TEK: variants seen among roughly 807,000 people sequenced by gnomAD.
TEK encodes the protein TEK receptor tyrosine kinase.
TEK carries 43 observed loss-of-function variants against 131.8 expected under a neutral mutation model. That is an observed-to-expected ratio of 0.33 (90% CI 0.26 to 0.42). TEK has a LOEUF of 0.42. Ranked by LOEUF, TEK falls within the 10% of genes least tolerant of loss-of-function variation. The pLI, the probability that TEK is intolerant of heterozygous loss-of-function variation, is 1.00. For synonymous variants in TEK, 580 were observed against 491.6 expected, an observed-to-expected ratio of 1.18 and a Z score of -2.38; for missense variants, 1,162 against 1,384.4, an observed-to-expected ratio of 0.84 and a Z score of 2.55.
chr9:27,195,678 A>G (rs924544460), intron 11 of TEK: 17 of 455,958 alleles, frequency 3.7e-5, no homozygotes, highest in Non-Finnish European at 7.5e-5. Flanking sequence ...GTCCAGTGAC[A>G]TAAGACATCT....
At chr9:27,166,314 T>A (rs1823728815) in intron 2 of TEK, among the ~76,000 whole-genome samples, 1 of 152,240 alleles carries the variant, frequency 6.6e-6, no homozygotes. Context: ...TAATGAATAT[T>A]CAACAGATCT....
In TEK at chr9:27,131,805, TA is replaced by T. The variant is rs796634179; in HGVS notation, c.52+22174del. On this transcript the variant is annotated intron_variant, in intron 1 of 22. Transcript: ENST00000380036. ...CTGGGTGACAGAGTGAGATTTTGTT[TA>T]AAAAAAAAAAGAAAGAAATTTGATA... 2.5e-3 allele frequency among the ~76,000 whole-genome samples: 364 copies of T among 146,376 alleles called. 1 individual carries two copies. The highest frequency in any genetic ancestry group is 7.4e-3 in the African/African-American group (295 of 40,082).
intron 1 of TEK, among the ~76,000 whole-genome samples, chr9:27,130,995 C>G (rs764643970): frequency 6.6e-6 from 1 of 152,058 alleles, no homozygotes; most frequent in African/African-American, 2.4e-5. Flanking sequence ...TATAAGCATG[C>G]GAAAAGTTTA....
At chr9:27,207,994 G>A (rs1199369671) in intron 15 of TEK, among the ~76,000 whole-genome samples, 1 of 152,110 alleles carries the variant, frequency 6.6e-6, no homozygotes, top group Non-Finnish European at 1.5e-5. Context: ...GGAGAGGGGT[G>A]TAGAATCTTA....
chr9:27,217,777 G>T lies in TEK; in HGVS notation c.3062+19G>T. 1 of 1,528,536 alleles carries T rather than the reference G, an allele frequency of 6.5e-7. No homozygotes were observed. The highest frequency in any genetic ancestry group is 8.7e-7 in the Non-Finnish European group (1 of 1,146,646). 94.7% of individuals were successfully genotyped at this position (1,528,536 alleles called of 1,614,324 possible). A position where few individuals can be genotyped will look rare whatever the true frequency, so the allele number is the denominator to read the frequency against. ...GTGATGTGTGAGTAAACTTCTTATT[G>T]CCAAGGGATTTTTTTTCCCTCCCAG... is the stretch of plus-strand genomic sequence containing the variant. On this transcript the variant is annotated intron_variant, in intron 19 of 22. Coordinates refer to ENST00000380036, the MANE Select transcript of TEK (RefSeq NM_000459.5).
intron 2 of TEK, among the ~76,000 whole-genome samples, chr9:27,167,404 T>A (rs1823773346): frequency 6.6e-6 from 1 of 151,954 alleles, no homozygotes; most frequent in South Asian, 2.1e-4. Flanking sequence ...ATTTTTGTAT[T>A]TTTAGTAGAG....
intron 18 of TEK, among the ~76,000 whole-genome samples, chr9:27,214,808 C>CAAT (rs1825759556): frequency 6.6e-6 from 1 of 152,190 alleles, no homozygotes. Flanking sequence ...TGCTTATCAA[C>CAAT]ATCAACACTT....
At chr9:27,140,734 A>G (rs982977879) in intron 1 of TEK, among the ~76,000 whole-genome samples, 17 of 152,120 alleles carry the variant, frequency 1.1e-4, no homozygotes, top group Non-Finnish European at 1.8e-4. Context: ...GCTATCTTCT[A>G]AAACTATTAT....
Position 27,180,306 on chromosome 9 carries a change from G to A in TEK, c.968G>A (p.Cys323Tyr). 1 of 1,613,894 alleles carries A rather than the reference G, an allele frequency of 6.2e-7. No individual in the cohort carries two copies. The highest frequency in any genetic ancestry group is 8.5e-7 in the Non-Finnish European group (1 of 1,179,880). Residue 323 changes from cysteine to tyrosine, a missense_variant, in exon 7 of 23, where the codon TGT becomes TAT. Around this residue, in one of 6 missense-constraint regions of TEK, gnomAD observed 436 missense variants for 539.1 expected, o/e 0.81. Coordinates refer to ENST00000380036, the MANE Select transcript of TEK (RefSeq NM_000459.5). ...LRCSCNNGEMCDRFQGCLCSP... is the reference protein window; with the variant it reads ...LRCSCNNGEMYDRFQGCLCSP... ...TGCAGCTGCAACAATGGGGAGATGT[G>A]TGATCGCTTCCAAGGATGTCTCTGC...
intron 1 of TEK, among the ~76,000 whole-genome samples, chr9:27,141,336 G>A (rs1249326806): frequency 5.3e-5 from 8 of 151,864 alleles, no homozygotes; most frequent in Non-Finnish European, 1.0e-4. Flanking sequence ...CCACCTTCAA[G>A]TTTTTCAAAA....
intron 18 of TEK, among the ~76,000 whole-genome samples, chr9:27,216,561 G>A (rs969004680): frequency 1.3e-5 from 2 of 152,046 alleles, no homozygotes; most frequent in Admixed American, 6.5e-5. Flanking sequence ...TGGATGTGGA[G>A]GAGAACAATA....
In TEK at chr9:27,222,728, G is replaced by A. The variant is rs537623542; in HGVS notation, c.3200+2583G>A. ...CTGAAGGAAGCACTCAACATGGAAA[G>A]GAAAACCCGGTACCAGCCACTGCAA... On this transcript the variant is annotated intron_variant, in intron 21 of 22. Transcript: ENST00000380036. 3.3e-5 allele frequency among the ~76,000 whole-genome samples: 5 copies of A among 152,202 alleles called. No homozygotes were observed. The East Asian group carries it at 7.7e-4, about 23-fold the overall frequency.
intron 15 of TEK, 39 bp from the exon 16 acceptor site, chr9:27,209,082 G>T (rs750326905): frequency 1.4e-6 from 2 of 1,455,258 alleles, no homozygotes; most frequent in Admixed American, 3.3e-5. Flanking sequence ...CTGAAAAGGT[G>T]TAACAAAGAA....
At chr9:27,146,919 C>T (rs868333318) in intron 1 of TEK, among the ~76,000 whole-genome samples, 29 of 151,958 alleles carry the variant, frequency 1.9e-4, no homozygotes, top group African/African-American at 4.6e-4. Context: ...TTAGTAGAGA[C>T]GGGGTTTCAC....
chr9:27,220,381 T>C (rs1826013561), intron 21 of TEK, among the ~76,000 whole-genome samples: 1 of 152,182 alleles, frequency 6.6e-6, no homozygotes, highest in Non-Finnish European at 1.5e-5. Context: ...TTGGGAAGGT[T>C]GAAATGAGGA....
chr9:27,218,703 CTGGCTTT>C, intron 19 of TEK, 67 bp from the exon 20 acceptor site: 6 of 1,551,386 alleles, frequency 3.9e-6, no homozygotes, highest in Non-Finnish European at 5.3e-6. Context: ...GTGGGTCTCC[CTGGCTTT>C]TGGGGCCGGA....
intron 1 of TEK, among the ~76,000 whole-genome samples, chr9:27,150,946 G>A (rs1478684217): frequency 6.6e-6 from 1 of 152,154 alleles, no homozygotes; most frequent in Non-Finnish European, 1.5e-5. Context: ...AGCAGGGATG[G>A]GAAACGGGCA....
intron 11 of TEK, among the ~76,000 whole-genome samples, chr9:27,196,315 A>G (rs1047601369): frequency 2.6e-5 from 4 of 152,106 alleles, no homozygotes; most frequent in Non-Finnish European, 5.9e-5. Flanking sequence ...GCAGTTTCCT[A>G]TTTTGAGTGT....
At chr9:27,170,196 C>T (rs867328941) in intron 4 of TEK, among the ~76,000 whole-genome samples, 5 of 152,150 alleles carry the variant, frequency 3.3e-5, no homozygotes, top group South Asian at 2.1e-4. Context: ...GCAACTGCCT[C>T]CATGATTAAA....
Sources: gnomAD v4.1 joint callset for allele counts (sites outside exome capture counted in the v4.1 genomes callset) on GRCh38, gnomAD v4.1.1 for gene constraint, gnomAD v4.1.1 regional missense constraint, MANE v1.5 for transcripts, NCBI Gene and HGNC (gene_info 2026-07-23, HGNC 2026-07-21) for gene names.